ZNF790: variants seen among roughly 807,000 people sequenced by gnomAD.
ZNF790 encodes the protein zinc finger protein 790.
Under a neutral mutation model 12.1 loss-of-function variants are expected in ZNF790, and 8 were observed. That is an observed-to-expected ratio of 0.66 (90% CI 0.39 to 1.19). The LOEUF (loss-of-function observed/expected upper bound fraction) is 1.19, where lower values mean the gene tolerates loss of function less well. ZNF790 is among the 50% of genes most tolerant of loss of function. The pLI, the probability that ZNF790 is intolerant of heterozygous loss-of-function variation, is 0.01. For synonymous variants in ZNF790, 252 were observed against 244.3 expected (o/e 1.03, Z -0.29); for missense variants, 707 against 752.2 (o/e 0.94, Z 0.70).
chr19:36,837,482 C>T (rs1271960734), intron 1 of ZNF790, among the ~76,000 whole-genome samples: 1 of 152,156 alleles, frequency 6.6e-6, no homozygotes, highest in Non-Finnish European at 1.5e-5. Context: ...TTTTGAATTT[C>T]CTGCCATGAG....
chr19:36,819,566 CA>C lies in ZNF790; in HGVS notation c.777del (p.Cys259TrpfsTer95). ...TGTGAATGAAATCTAAAGGCTTTCC[CA>C]CAATCCTTACATTTAAAAGGTTTCT... ...TGEKPFKCKD[C>X]GKAFRFHSQL... is the part of the protein sequence containing the mutation. On this transcript the variant is annotated frameshift_variant, in exon 5 of 5. Coordinates refer to ENST00000356725, the MANE Select transcript of ZNF790 (RefSeq NM_206894.4). LOFTEE classifies it low-confidence loss of function (END_TRUNC). 6.2e-7 allele frequency: 1 copy of C among 1,612,020 alleles called. No homozygotes were observed. The highest frequency in any genetic ancestry group is 8.5e-7 in the Non-Finnish European group (1 of 1,178,796).
intron 1 of ZNF790, among the ~76,000 whole-genome samples, chr19:36,843,654 T>C (rs2072149793): frequency 6.6e-6 from 1 of 152,168 alleles, no homozygotes; most frequent in South Asian, 2.1e-4. Context: ...CAGTCCAGAA[T>C]TTAATTTTAA....
At chr19:36,824,124 G>A (rs1170650110) in intron 2 of ZNF790, among the ~76,000 whole-genome samples, 3 of 148,362 alleles carry the variant, frequency 2.0e-5, no homozygotes, top group Non-Finnish European at 3.0e-5. Context: ...AGCCTCCCAA[G>A]TAGCTGGGAC....
At position 36,832,267 on chromosome 19, in the gene ZNF790, G is replaced by A. The variant is rs79036788; in HGVS notation, c.-74+6070C>T. ...CAAATCTAAATAAAATAGTAAAAGCGGAATTATGGTAGCCAGCATCCTGGA... is the reference window on the plus strand; with the variant it reads ...CAAATCTAAATAAAATAGTAAAAGCAGAATTATGGTAGCCAGCATCCTGGA... On this transcript the variant is annotated intron_variant, in intron 1 of 4. Transcript: ENST00000356725. Among the ~76,000 whole-genome samples, 802 of 152,258 alleles carry A rather than the reference G, an allele frequency of 5.3e-3. 21 individuals are homozygous for A. The highest frequency in any genetic ancestry group is 0.039 in the Admixed American group (588 of 15,272).
intron 4 of ZNF790, among the ~76,000 whole-genome samples, chr19:36,820,761 T>C (rs112464447): frequency 0.097 from 14,733 of 151,988 alleles, 829 homozygotes; most frequent in East Asian, 0.18. Flanking sequence ...CCAGGAGTGG[T>C]GGTGCATGCC....
rs750981784 is a variant in ZNF790 at position 36,818,840 on chromosome 19, C to A, written c.1504G>T (p.Gly502Ter). 2 of 1,613,576 alleles carry A rather than the reference C, an allele frequency of 1.2e-6. No individual in the cohort carries two copies. The highest frequency in any genetic ancestry group is 1.7e-6 in the Non-Finnish European group (2 of 1,179,830). ...TCTTCACATTCATATGGCCTCTTTC[C>A]AGTATGAATTTTCTGGTGTCGATTA... ...ELNRHQKIHT[G>*]KRPYECEECG... is the part of the protein sequence containing the mutation. Residue 502 changes from glycine (G) to a stop codon, truncating the protein, a stop_gained, in exon 5 of 5, where the codon GGA becomes TGA. Coordinates refer to ENST00000356725, the MANE Select transcript of ZNF790 (RefSeq NM_206894.4). LOFTEE classifies it low-confidence loss of function (END_TRUNC).
Position 36,819,815 on chromosome 19 carries a change from T to C in ZNF790, c.529A>G (p.Lys177Glu). The change falls in exon 5 of 5, where the codon AAA (lysine) becomes GAA (glutamate). Residue 177 changes from lysine to glutamate, a missense_variant. Physicochemically the swap from Lys to Glu is moderately conservative, Grantham distance 56. Coordinates refer to ENST00000356725, the MANE Select transcript of ZNF790 (RefSeq NM_206894.4). ...TGATCTGAACCAGAAATAAAGGCTTTCCCCAGTTCTTTAAATTCATTCAGT... is the reference window on the plus strand; with the variant it reads ...TGATCTGAACCAGAAATAAAGGCTTCCCCCAGTTCTTTAAATTCATTCAGT... ...DKLNEFKELG[K>E]AFISGSDHTQ... 1 of 1,613,166 alleles carries C rather than the reference T, an allele frequency of 6.2e-7. No individual in the cohort carries two copies. Among genetic ancestry groups the C allele is most frequent in the Non-Finnish European group, 8.5e-7 (1 of 1,179,444 alleles).
intron 1 of ZNF790, among the ~76,000 whole-genome samples, chr19:36,826,192 C>G (rs760568298): frequency 2.7e-4 from 41 of 152,042 alleles, no homozygotes; most frequent in Admixed American, 9.8e-4. Context: ...TTTTCATTGA[C>G]AGTGAGCATC....
intron 1 of ZNF790, among the ~76,000 whole-genome samples, chr19:36,828,494 A>C (rs1435191456): frequency 6.6e-6 from 1 of 151,634 alleles, no homozygotes; most frequent in East Asian, 1.9e-4. Context: ...AAAAATTTTT[A>C]GGGACAGTGT....
At chr19:36,827,342 G>A (rs1318620184) in intron 1 of ZNF790, among the ~76,000 whole-genome samples, 8 of 151,692 alleles carry the variant, frequency 5.3e-5, no homozygotes, top group African/African-American at 1.9e-4. Context: ...GCGAGGAGAG[G>A]TCTCATGAAG....
chr19:36,819,326 A>AT lies in ZNF790; in HGVS notation c.1017dup (p.Cys340MetfsTer2), dbSNP rs2071613692. ...GTAAAAGCTTTCCCACACTCCTTAC[A>AT]TTCATAAGGTTTTTCACCAGTGTGA... On this transcript the variant is annotated frameshift_variant, in exon 5 of 5. Coordinates refer to ENST00000356725, the MANE Select transcript of ZNF790 (RefSeq NM_206894.4). LOFTEE classifies it low-confidence loss of function (END_TRUNC). The AT allele has an allele frequency of 1.2e-6, 2 of 1,611,762 alleles. No individual in the cohort carries two copies. Among genetic ancestry groups the AT allele is most frequent in the Non-Finnish European group, 1.7e-6 (2 of 1,178,710 alleles).
In ZNF790 at chr19:36,818,189, T is replaced by A; in HGVS notation, c.*244A>T. On this transcript the variant is annotated 3_prime_UTR_variant, in exon 5 of 5. Transcript: ENST00000356725. ...TGTTTTGAGAATGATTCAAAAAGAA[T>A]TCATGCTATCTCATAAAATTTTACC... The A allele has an allele frequency of 3.4e-6, 1 of 293,528 alleles. No homozygotes were observed. The highest frequency in any genetic ancestry group is 5.8e-5 in the East Asian group (1 of 17,216). 18.2% of individuals were successfully genotyped at this position (293,528 alleles called of 1,614,324 possible). A position where few individuals can be genotyped will look rare whatever the true frequency, so the allele number is the denominator to read the frequency against.
chr19:36,850,358 G>A (rs2072235083), upstream of ZNF790: 1 of 152,322 alleles, frequency 6.6e-6, no homozygotes, highest in Non-Finnish European at 1.5e-5. Flanking sequence ...CTGAGGCTGG[G>A]CGGGGTGAAA....
At chr19:36,844,407 A>G (rs189538768) in intron 1 of ZNF790, among the ~76,000 whole-genome samples, 6 of 152,254 alleles carry the variant, frequency 3.9e-5, no homozygotes, top group Admixed American at 3.9e-4. Flanking sequence ...AATAGACCAA[A>G]ATGTGATCCT....
chr19:36,844,636 G>GA (rs60449015), intron 1 of ZNF790, among the ~76,000 whole-genome samples: 5 of 151,394 alleles, frequency 3.3e-5, no homozygotes, highest in African/African-American at 4.9e-5. Context: ...AAAACTCTGA[G>GA]AAAAAAAATA....
chr19:36,838,183 A>G lies in ZNF790; in HGVS notation c.-74+154T>C. On this transcript the variant is annotated intron_variant, in intron 1 of 4. Coordinates refer to ENST00000356725, the MANE Select transcript of ZNF790 (RefSeq NM_206894.4). This position sits in a 1 kb window ranked among gnomAD's most constrained non-coding sequence, Gnocchi z 4.4. ...CGGCCCCAGCTCCTGCATCAATTTC[A>G]CTCTCGCATCCACTGCTCCCATCGC... 6.6e-6 allele frequency: 1 copy of G among 152,068 alleles called. No individual in the cohort carries two copies. Among genetic ancestry groups the G allele is most frequent in the Non-Finnish European group, 1.5e-5 (1 of 68,680 alleles). 9.4% of individuals were successfully genotyped at this position (152,068 alleles called of 1,614,324 possible).
At chr19:36,832,864 G>C (rs1157241319) in intron 1 of ZNF790, among the ~76,000 whole-genome samples, 2 of 151,640 alleles carry the variant, frequency 1.3e-5, no homozygotes, top group African/African-American at 4.8e-5. Context: ...ATTTCAAGCT[G>C]AAAATCAAGG....
intron 1 of ZNF790, among the ~76,000 whole-genome samples, chr19:36,849,629 C>A (rs891699948): frequency 6.6e-6 from 1 of 151,852 alleles, no homozygotes; most frequent in African/African-American, 2.4e-5. Context: ...AATGGAGCTT[C>A]CCCCCTTTAA....
At position 36,819,039 on chromosome 19, in the gene ZNF790, C is replaced by T. The variant is rs757219460; in HGVS notation, c.1305G>A (p.Ser435=). 14 of 1,613,822 alleles carry T rather than the reference C, an allele frequency of 8.7e-6. No homozygotes were observed. The highest frequency in any genetic ancestry group is 3.3e-4 in the Middle Eastern group (2 of 6,084). ...GAATTTTCTCATGTTGAGCAAGATA[C>T]GAAGCCCAAGTAAAAGTCTTCCCGC... is the stretch of plus-strand genomic sequence containing the variant. ...KQCGKTFTWA[S]YLAQHEKIHN... The change falls in exon 5 of 5, where the codon TCG becomes TCA. Residue 435 remains serine, a synonymous_variant. Transcript: ENST00000356725.
Sources: gnomAD v4.1 joint callset for allele counts (sites outside exome capture counted in the v4.1 genomes callset) on GRCh38, gnomAD v4.1.1 for gene constraint, Gnocchi (gnomAD v3.1) non-coding constraint, MANE v1.5 for transcripts, NCBI Gene and HGNC (gene_info 2026-07-23, HGNC 2026-07-21) for gene names.